CELF2: variants seen among roughly 807,000 people sequenced by gnomAD.
The protein encoded by CELF2 is CUG triplet repeat RNA-binding protein 2.
CELF2 carries 8 observed loss-of-function variants against 62.6 expected under a neutral mutation model. The ratio of observed to expected loss-of-function variants is 0.13; its 90% CI spans 0.07 to 0.23. The LOEUF (loss-of-function observed/expected upper bound fraction) is 0.23, where lower values mean the gene tolerates loss of function less well. Ranked by LOEUF, CELF2 falls within the 10% of genes least tolerant of loss-of-function variation. The pLI is 1.00. For synonymous variants in CELF2, 258 were observed against 250.0 expected (o/e 1.03, Z -0.30); for missense variants, 333 against 671.0 (o/e 0.50, Z 5.56).
At chr10:10,730,660 A>G in the CELF2 span, among the ~76,000 whole-genome samples, 3 of 152,220 alleles carry the variant, frequency 2.0e-5, no homozygotes, top group Non-Finnish European at 4.4e-5. Flanking sequence ...CATCCTGTTC[A>G]GAAACTAATT....
chr10:10,731,485 T>C, the CELF2 span, among the ~76,000 whole-genome samples: 98 of 152,126 alleles, frequency 6.4e-4, no homozygotes, highest in Non-Finnish European at 1.2e-3. Flanking sequence ...GAAACTAGAA[T>C]CTAAATGAAA....
chr10:10,573,523 G>A, the CELF2 span, among the ~76,000 whole-genome samples: 1 of 152,238 alleles, frequency 6.6e-6, no homozygotes, highest in Non-Finnish European at 1.5e-5. Flanking sequence ...GTGGTAATCT[G>A]TACCAAAGAG....
At position 11,243,962 on chromosome 10, in the gene CELF2, C is replaced by A. The variant is rs377555931; in HGVS notation, c.355-5191C>A. Among the ~76,000 whole-genome samples the A allele has an allele frequency of 6.6e-6, 1 of 152,242 alleles. No homozygotes were observed. The highest frequency in any genetic ancestry group is 1.5e-5 in the Non-Finnish European group (1 of 68,038). On this transcript the variant is annotated intron_variant, in intron 3 of 12. Coordinates refer to ENST00000633077, the MANE Select transcript of CELF2 (RefSeq NM_001326342.2). The surrounding 1 kb of genome is among the most constrained non-coding windows in gnomAD (Gnocchi z 4.1). ...CTAGCCTCAGCCCTGACCCTAGCCA[C>A]ACAGTAGGTAGATTGAATTAGCGAC...
the CELF2 span, among the ~76,000 whole-genome samples, chr10:10,663,796 C>T: frequency 3.3e-5 from 5 of 152,204 alleles, no homozygotes; most frequent in African/African-American, 1.2e-4. Context: ...AATATTATTA[C>T]ATTTCTAACT....
chr10:10,666,509 C>T, the CELF2 span, among the ~76,000 whole-genome samples: 1 of 152,110 alleles, frequency 6.6e-6, no homozygotes, highest in Admixed American at 6.6e-5. Context: ...GAGAGAAGGC[C>T]CTGAAATCAC....
At chr10:10,840,693 C>T (rs879079100) in intron 1 of CELF2, among the ~76,000 whole-genome samples, 4 of 151,878 alleles carry the variant, frequency 2.6e-5, no homozygotes, top group Non-Finnish European at 4.4e-5. Flanking sequence ...TAAAATTTTA[C>T]TTTAAGTTCT....
chr10:10,501,546 T>C, the CELF2 span, among the ~76,000 whole-genome samples: 3 of 152,180 alleles, frequency 2.0e-5, no homozygotes, highest in Non-Finnish European at 2.9e-5. Flanking sequence ...TTAAAGAGCT[T>C]TTTTAGCAAT....
At chr10:10,480,878 G>T in the CELF2 span, among the ~76,000 whole-genome samples, 13 of 152,168 alleles carry the variant, frequency 8.5e-5, no homozygotes, top group African/African-American at 3.1e-4. Flanking sequence ...TATTTTAGTT[G>T]GTGTTTACAC....
the CELF2 span, among the ~76,000 whole-genome samples, chr10:10,616,916 C>T: frequency 6.6e-6 from 1 of 151,804 alleles, no homozygotes; most frequent in African/African-American, 2.4e-5. Context: ...ACCATTACGC[C>T]CAGCTAATTT....
At chr10:11,036,478 C>G (rs1248263744) in intron 1 of CELF2, among the ~76,000 whole-genome samples, 7 of 152,208 alleles carry the variant, frequency 4.6e-5, no homozygotes, top group Admixed American at 2.6e-4. Context: ...TCAATATTTA[C>G]CTTTCTGTGG....
At position 10,995,228 on chromosome 10, in the gene CELF2, A is replaced by G. The variant is rs1384967321; in HGVS notation, c.89+75229A>G. 1.3e-5 allele frequency among the ~76,000 whole-genome samples: 2 copies of G among 152,248 alleles called. No individual in the cohort carries two copies. Among genetic ancestry groups the G allele is most frequent in the Non-Finnish European group, 2.9e-5 (2 of 68,046 alleles). On this transcript the variant is annotated intron_variant, in intron 2 of 13. Coordinates refer to the CELF2 transcript ENST00000636488. The surrounding 1 kb of genome is among the most constrained non-coding windows in gnomAD (Gnocchi z 4.7). ...TAACACTGTAGTCCTTCAGAAAAAG[A>G]AACGTGTGGCTCATGTAGCTCGTCA...
intron 2 of CELF2, among the ~76,000 whole-genome samples, chr10:11,181,566 A>G (rs1300177335): frequency 1.3e-5 from 2 of 152,176 alleles, no homozygotes; most frequent in African/African-American, 4.8e-5. Flanking sequence ...TCCAGTGCAT[A>G]TGCCATTGCA....
rs576601920 is a variant in CELF2 at position 10,825,485 on chromosome 10, C to T, written c.53+26668C>T. On this transcript the variant is annotated intron_variant, in intron 1 of 13. Transcript: ENST00000636488. ...TCGGCCTCCCAAAGTGCTGGGATTA[C>T]AGGCATGAGCCACCGCGCCCAGCTG... Among the ~76,000 whole-genome samples, 218 of 152,320 alleles carry T rather than the reference C, an allele frequency of 1.4e-3. No homozygotes were observed. The South Asian group carries it at 0.018, about 13-fold the overall frequency.
rs376264718 is a variant in CELF2, at chr10:11,046,919, T to C, written c.74+28756T>C. Among the ~76,000 whole-genome samples, 1 of 152,098 alleles carries C rather than the reference T, an allele frequency of 6.6e-6. No homozygotes were observed. The highest frequency in any genetic ancestry group is 2.4e-5 in the African/African-American group (1 of 41,408). On this transcript the variant is annotated intron_variant, in intron 1 of 12. Coordinates refer to ENST00000633077, the MANE Select transcript of CELF2 (RefSeq NM_001326342.2). The surrounding 1 kb of genome is among the most constrained non-coding windows in gnomAD (Gnocchi z 4.6). ...TTCCAGAGATGTGATAGAAAACAAA[T>C]TGGGCTTGTAGAGGAAGGATTGTTC...
rs964404163 is a variant in CELF2 at position 10,934,325 on chromosome 10, T to C, written c.89+14326T>C. 3.9e-5 allele frequency among the ~76,000 whole-genome samples: 6 copies of C among 152,186 alleles called. No individual in the cohort carries two copies. Reference sequence around the variant, plus strand: ...AAACTCCTCGAGGAGTGGCCCCAAGTCTACCGTGCTCACCTTTCTATCCTC... The same window carrying C: ...AAACTCCTCGAGGAGTGGCCCCAAGCCTACCGTGCTCACCTTTCTATCCTC... On this transcript the variant is annotated intron_variant, in intron 2 of 13. Transcript: ENST00000636488. This position sits in a 1 kb window ranked among gnomAD's most constrained non-coding sequence, Gnocchi z 4.4.
chr10:10,962,861 C>T (rs1187529384), intron 2 of CELF2, among the ~76,000 whole-genome samples: 1 of 152,216 alleles, frequency 6.6e-6, no homozygotes, highest in African/African-American at 2.4e-5. Flanking sequence ...TCAGCTGATG[C>T]TGAAGTCAAT....
intron 1 of CELF2, among the ~76,000 whole-genome samples, chr10:10,801,406 T>G (rs1480360822): frequency 6.6e-6 from 1 of 152,228 alleles, no homozygotes; most frequent in Non-Finnish European, 1.5e-5. Flanking sequence ...CATTTAACGG[T>G]TTACTTGCCA....
At chr10:11,054,507 G>GTGTGTGTGTGTA (rs1554804125) in intron 1 of CELF2, among the ~76,000 whole-genome samples, 6,193 of 151,224 alleles carry the variant, frequency 0.041, 431 homozygotes, top group African/African-American at 0.14. Context: ...GTGTGTGTGT[G>GTGTGTGTGTGTA]TGTGTGTGTG....
intron 1 of CELF2, among the ~76,000 whole-genome samples, chr10:10,908,346 A>G (rs761969831): frequency 4.0e-5 from 6 of 148,778 alleles, no homozygotes; most frequent in Admixed American, 2.7e-4. Flanking sequence ...CAGTCTCCCA[A>G]GTAGCTGGGA....
Sources: gnomAD v4.1 joint callset for allele counts (sites outside exome capture counted in the v4.1 genomes callset) on GRCh38, gnomAD v4.1.1 for gene constraint, Gnocchi (gnomAD v3.1) non-coding constraint, MANE v1.5 for transcripts, NCBI Gene and HGNC (gene_info 2026-07-23, HGNC 2026-07-21) for gene names.